The following HMGCS2 variants were observed in gnomAD, a reference collection of about 807,000 sequenced individuals.
The protein encoded by HMGCS2 is 3-hydroxy-3-methylglutaryl-CoA synthase 2, also known as hydroxymethylglutaryl-CoA synthase, mitochondrial.
A neutral mutation model predicts 57.4 loss-of-function variants in HMGCS2; 50 were observed. That is an observed-to-expected ratio of 0.87 (90% CI 0.69 to 1.10). HMGCS2 has a LOEUF of 1.10. Ranked by LOEUF, HMGCS2 falls within the 50% of genes least tolerant of loss-of-function variation. The pLI is 0.00. For missense variants in HMGCS2, 627 were observed against 636.5 expected, an observed-to-expected ratio of 0.99 and a Z score of 0.16; for synonymous variants, 254 against 245.1, an observed-to-expected ratio of 1.04 and a Z score of -0.34.
At chr1:119,752,784 A>C (rs1652706977) in intron 7 of HMGCS2, 110 bp from the exon 8 acceptor site, 1 of 1,237,904 alleles carries the variant, frequency 8.1e-7, no homozygotes, top group African/African-American at 1.5e-5. Flanking sequence ...CCCTGGAGGA[A>C]CGTGTGGTGT....
chr1:119,750,737 T>C (rs1037905387), intron 9 of HMGCS2, 60 bp downstream of exon 9: 32 of 1,067,166 alleles, frequency 3.0e-5, no homozygotes, highest in Non-Finnish European at 4.5e-5. Context: ...TCTCTCTGTG[T>C]TGTTACTCAG....
chr1:119,759,467 A>G, intron 3 of HMGCS2, 185 bp from the exon 4 acceptor site: 1 of 669,970 alleles, frequency 1.5e-6, no homozygotes, highest in Non-Finnish European at 2.6e-6. Context: ...TACAAAAATG[A>G]GATGTATATT....
intron 5 of HMGCS2, 63 bp from the exon 6 acceptor site, chr1:119,755,660 G>C: frequency 6.7e-7 from 1 of 1,485,774 alleles, no homozygotes; most frequent in Non-Finnish European, 9.4e-7. Context: ...GAGCAAGGGG[G>C]AAAAGTAACA....
intron 5 of HMGCS2, among the ~76,000 whole-genome samples, chr1:119,756,641 A>G (rs949273210): frequency 2.4e-4 from 37 of 152,368 alleles, no homozygotes; most frequent in Middle Eastern, 3.4e-3. Context: ...ATATTAGTGT[A>G]TTAGTGTAGT....
In HMGCS2 at chr1:119,759,296, C is replaced by A. The variant is rs763770392; in HGVS notation, c.686-14G>T. On this transcript the variant is annotated splice_polypyrimidine_tract_variant and intron_variant, in intron 3 of 9. Transcript: ENST00000369406. ...TTCCCCTCAGCCCTGGAAAGGCACA[C>A]AAAGTGTTTCAGAGACTACACAATG... The A allele has an allele frequency of 1.2e-6, 2 of 1,612,978 alleles. No homozygotes were observed. The highest frequency in any genetic ancestry group is 1.7e-6 in the Non-Finnish European group (2 of 1,179,534).
rs1317983324 is a variant in HMGCS2, at chr1:119,752,694, T to C, written c.1295-20A>G. The C allele has an allele frequency of 5.0e-6, 8 of 1,613,802 alleles. No homozygotes were observed. Among genetic ancestry groups the C allele is most frequent in the South Asian group, 1.1e-5 (1 of 91,066 alleles). On this transcript the variant is annotated intron_variant, in intron 7 of 9. Transcript: ENST00000369406. ...GAGAGCCTGGGAAGCAAAAGCAAGA[T>C]TGTTACACCTTTTTCATTGTCATTA... is the stretch of plus-strand genomic sequence containing the variant.
intron 1 of HMGCS2, among the ~76,000 whole-genome samples, chr1:119,765,487 A>C (rs1237434312): frequency 6.6e-6 from 1 of 152,118 alleles, no homozygotes; most frequent in Non-Finnish European, 1.5e-5. Flanking sequence ...GTAAGCAAAT[A>C]TTTATTATTC....
chr1:119,757,176 C>G (rs954716182), intron 5 of HMGCS2, 97 bp downstream of exon 5: 4 of 1,596,996 alleles, frequency 2.5e-6, no homozygotes, highest in Admixed American at 3.3e-5. Flanking sequence ...CCATTTGTCC[C>G]CCACAGGGGT....
chr1:119,748,603 C>CTCTT lies in HMGCS2; in HGVS notation c.*240_*243dup, dbSNP rs1652534892. 1 of 152,052 alleles carries CTCTT rather than the reference C, an allele frequency of 6.6e-6. No homozygotes were observed. Among genetic ancestry groups the CTCTT allele is most frequent in the South Asian group, 2.1e-4 (1 of 4,812 alleles). The allele number at this position is 152,052 out of a possible 1,614,324, so 9.4% of individuals were successfully genotyped here. ...GTCTTCTCTCCATTGCTCCATCTTG[C>CTCTT]TCTTTCACAAAGGACCCCTAGTCCA... On this transcript the variant is annotated 3_prime_UTR_variant, in exon 10 of 10. Transcript: ENST00000369406.
intron 2 of HMGCS2, among the ~76,000 whole-genome samples, chr1:119,760,997 C>A (rs931549562): frequency 6.6e-6 from 1 of 151,860 alleles, no homozygotes; most frequent in African/African-American, 2.4e-5. Flanking sequence ...ATCCAGGGAC[C>A]TTCTCTTAAG....
chr1:119,748,603 C>T lies in HMGCS2; in HGVS notation c.*244G>A, dbSNP rs1199462871. ...GTCTTCTCTCCATTGCTCCATCTTG[C>T]TCTTTCACAAAGGACCCCTAGTCCA... On this transcript the variant is annotated 3_prime_UTR_variant, in exon 10 of 10. Coordinates refer to ENST00000369406, the MANE Select transcript of HMGCS2 (RefSeq NM_005518.4). 1 of 152,052 alleles carries T rather than the reference C, an allele frequency of 6.6e-6. No individual in the cohort carries two copies. Among genetic ancestry groups the T allele is most frequent in the Non-Finnish European group, 1.5e-5 (1 of 67,992 alleles). 9.4% of individuals were successfully genotyped at this position (152,052 alleles called of 1,614,324 possible). A position where few individuals can be genotyped will look rare whatever the true frequency, so the allele number is the denominator to read the frequency against.
At chr1:119,752,708 T>C (rs1652704227) in intron 7 of HMGCS2, 34 bp from the exon 8 acceptor site, 1 of 1,612,908 alleles carries the variant, frequency 6.2e-7, no homozygotes, top group Admixed American at 1.7e-5. Flanking sequence ...TACACCTTTT[T>C]CATTGTCATT....
Position 119,764,239 on chromosome 1 carries a change from A to T in HMGCS2, c.492T>A (p.Asn164Lys). ...GGGAGGCAGTACCACCGTAGCAGGC[A>T]TTGGTGGTATCTATGCCCTCAATAT... ...NTDIEGIDTT[N>K]ACYGGTASLF... The change falls in exon 2 of 10, where the codon AAT becomes AAA. Residue 164 changes from asparagine (N) to lysine (K), a missense_variant. Coordinates refer to ENST00000369406, the MANE Select transcript of HMGCS2 (RefSeq NM_005518.4). 1 of 1,614,122 alleles carries T rather than the reference A, an allele frequency of 6.2e-7. No individual in the cohort carries two copies. Among genetic ancestry groups the T allele is most frequent in the Non-Finnish European group, 8.5e-7 (1 of 1,179,990 alleles).
intron 5 of HMGCS2, among the ~76,000 whole-genome samples, chr1:119,756,474 T>G (rs182266679): frequency 5.2e-4 from 79 of 152,260 alleles, no homozygotes; most frequent in African/African-American, 1.8e-3. Context: ...TTTTAGTTAG[T>G]GGCAGGGTTA....
intron 3 of HMGCS2, 143 bp from the exon 4 acceptor site, chr1:119,759,425 T>C: frequency 2.5e-6 from 2 of 797,156 alleles, no homozygotes; most frequent in South Asian, 1.5e-5. Flanking sequence ...ATCCCTTGCA[T>C]ATTCAAAAGG....
chr1:119,755,598 C>T lies in HMGCS2; in HGVS notation c.1017-1G>A. ...GTAGGTGTCTTCCAGCTTTAGCCCC[C>T]TGTGAGGTAGCCAGAGGTAGCCATG... On this transcript the variant is annotated splice_acceptor_variant, in intron 5 of 9. Transcript: ENST00000369406. LOFTEE classifies it high-confidence loss of function. 6.2e-7 allele frequency: 1 copy of T among 1,614,014 alleles called. No homozygotes were observed. The highest frequency in any genetic ancestry group is 8.5e-7 in the Non-Finnish European group (1 of 1,179,972).
chr1:119,762,638 C>G (rs1480177629), intron 2 of HMGCS2, among the ~76,000 whole-genome samples: 1 of 152,212 alleles, frequency 6.6e-6, no homozygotes, highest in Non-Finnish European at 1.5e-5. Flanking sequence ...CTCATTCACA[C>G]TGGCATCCTC....
chr1:119,763,000 G>A (rs960953827), intron 2 of HMGCS2, among the ~76,000 whole-genome samples: 4 of 152,076 alleles, frequency 2.6e-5, no homozygotes, highest in African/African-American at 7.2e-5. Context: ...TGGTGGTAAT[G>A]GTGGTAGGGG....
At chr1:119,750,968 A>C in intron 8 of HMGCS2, 60 bp from the exon 9 acceptor site, 1 of 1,040,822 alleles carries the variant, frequency 9.6e-7, no homozygotes, top group South Asian at 1.3e-5. Context: ...TTGGAAGAGA[A>C]AATAGTAATG....
Sources: gnomAD v4.1 joint callset for allele counts (sites outside exome capture counted in the v4.1 genomes callset) on GRCh38, gnomAD v4.1.1 for gene constraint, MANE v1.5 for transcripts, NCBI Gene and HGNC (gene_info 2026-07-23, HGNC 2026-07-21) for gene names.